Variants in CSMD1 observed in about 807,000 individuals in gnomAD.
CSMD1 encodes the protein CUB and Sushi multiple domains 1.
CSMD1 carries 213 observed loss-of-function variants against 417.5 expected under a neutral mutation model. That is an observed-to-expected ratio of 0.51 (90% CI 0.46 to 0.57). CSMD1 has a LOEUF of 0.57. Ranked by LOEUF, CSMD1 falls within the 20% of genes least tolerant of loss-of-function variation. CSMD1 has a pLI of 0.00. For synonymous variants in CSMD1, 2,862 were observed against 1,736.8 expected, an observed-to-expected ratio of 1.65 and a Z score of -16.11; for missense variants, 6,923 against 4,529.7, an observed-to-expected ratio of 1.53 and a Z score of -15.17.
intron 3 of CSMD1, among the ~76,000 whole-genome samples, chr8:4,381,361 T>C (rs1246486655): frequency 2.6e-5 from 4 of 152,078 alleles, no homozygotes; most frequent in African/African-American, 9.7e-5. Flanking sequence ...CTGGTGACCC[T>C]ATGACCCTGT....
intron 3 of CSMD1, among the ~76,000 whole-genome samples, chr8:4,109,274 G>A (rs911431354): frequency 6.6e-6 from 1 of 152,036 alleles, no homozygotes; most frequent in Non-Finnish European, 1.5e-5. Flanking sequence ...GTTGTTTGCA[G>A]AACACACAGA....
intron 7 of CSMD1, among the ~76,000 whole-genome samples, chr8:3,701,135 G>T (rs576718416): frequency 6.6e-6 from 1 of 152,160 alleles, no homozygotes; most frequent in South Asian, 2.1e-4. Context: ...GTAAGAGGGA[G>T]AGAGATGCCT....
intron 3 of CSMD1, among the ~76,000 whole-genome samples, chr8:4,253,078 G>T (rs1198347932): frequency 6.6e-6 from 1 of 152,200 alleles, no homozygotes; most frequent in Non-Finnish European, 1.5e-5. Flanking sequence ...GCTCTTAGAG[G>T]AAAAAGATTC....
chr8:2,992,699 A>G (rs1684442066), intron 54 of CSMD1, among the ~76,000 whole-genome samples: 2 of 152,016 alleles, frequency 1.3e-5, no homozygotes, highest in Admixed American at 6.6e-5. Flanking sequence ...TGCTGTGACT[A>G]TAGGCGTGAG....
In CSMD1 at chr8:3,639,334, A is replaced by G. The variant is rs556381753; in HGVS notation, c.1010-22537T>C. On this transcript the variant is annotated intron_variant, in intron 7 of 69. Transcript: ENST00000635120. ...GTGTTGTTTCATTAAGAGAATCAGG[A>G]AAGTTTGGAGTTTAAGAGGAAAAAG... 7.9e-5 allele frequency among the ~76,000 whole-genome samples: 12 copies of G among 152,296 alleles called. 1 individual carries two copies. Among genetic ancestry groups the G allele is most frequent in the African/African-American group, 2.6e-4 (11 of 41,572 alleles).
chr8:4,121,928 G>C (rs1170970671), intron 3 of CSMD1, among the ~76,000 whole-genome samples: 3 of 151,644 alleles, frequency 2.0e-5, no homozygotes, highest in African/African-American at 7.3e-5. Flanking sequence ...CACACTCCCT[G>C]ATTTTATATT....
At chr8:2,998,523 T>A (rs773910319) in intron 53 of CSMD1, among the ~76,000 whole-genome samples, 2 of 152,232 alleles carry the variant, frequency 1.3e-5, no homozygotes, top group East Asian at 3.9e-4. Context: ...TAAAAATTCT[T>A]GTATTAATCA....
chr8:4,358,301 C>A (rs1801549226), intron 3 of CSMD1, among the ~76,000 whole-genome samples: 1 of 152,086 alleles, frequency 6.6e-6, no homozygotes, highest in Non-Finnish European at 1.5e-5. Context: ...CCAGATCCAG[C>A]TGGTGCCATC....
intron 3 of CSMD1, among the ~76,000 whole-genome samples, chr8:4,165,406 T>G (rs770297614): frequency 6.6e-6 from 1 of 152,336 alleles, no homozygotes; most frequent in East Asian, 1.9e-4. Flanking sequence ...GTAGAAAATA[T>G]AAGCATCATG....
Position 4,419,591 on chromosome 8 carries a change from T to G in CSMD1, c.415+362A>C, listed in dbSNP as rs566940802. ...TTCCTTTACTCAAGCACTATCAGTATAATTGTCCAACCAAAAATTTAATGA... is the reference window on the plus strand; with the variant it reads ...TTCCTTTACTCAAGCACTATCAGTAGAATTGTCCAACCAAAAATTTAATGA... On this transcript the variant is annotated intron_variant, in intron 3 of 69. Transcript: ENST00000635120. Among the ~76,000 whole-genome samples, 11 of 152,324 alleles carry G rather than the reference T, an allele frequency of 7.2e-5. No homozygotes were observed. The South Asian group carries it at 2.3e-3, about 32-fold the overall frequency.
chr8:4,251,087 T>C (rs527342249), intron 3 of CSMD1, among the ~76,000 whole-genome samples: 87 of 152,280 alleles, frequency 5.7e-4, no homozygotes, highest in African/African-American at 1.9e-3. Flanking sequence ...TGTAGTCACA[T>C]TTTCCCTGCC....
intron 1 of CSMD1, among the ~76,000 whole-genome samples, chr8:4,733,299 T>C (rs186353878): frequency 6.6e-6 from 1 of 152,294 alleles, no homozygotes; most frequent in East Asian, 1.9e-4. Flanking sequence ...TGACTAAAAA[T>C]GTTGCCCTCA....
chr8:4,914,999 G>T lies in CSMD1; in HGVS notation c.85+79333C>A, dbSNP rs573023432. ...GTGAAATTACCAGGCAATAGCTACC[G>T]TATTTAATTCAATTCATATTAGATA... On this transcript the variant is annotated intron_variant, in intron 1 of 69. Transcript: ENST00000635120. 1.6e-4 allele frequency among the ~76,000 whole-genome samples: 24 copies of T among 152,208 alleles called. No individual in the cohort carries two copies. The East Asian group carries it at 4.6e-3, about 29-fold the overall frequency.
At chr8:3,248,777 T>C (rs1000236356) in intron 26 of CSMD1, among the ~76,000 whole-genome samples, 1 of 152,144 alleles carries the variant, frequency 6.6e-6, no homozygotes, top group Non-Finnish European at 1.5e-5. Context: ...AACGTGTCCA[T>C]AGCTAGGGAC....
chr8:4,674,196 T>G (rs891286157), intron 1 of CSMD1, among the ~76,000 whole-genome samples: 8 of 152,164 alleles, frequency 5.3e-5, no homozygotes, highest in Admixed American at 5.2e-4. Context: ...CTCAAAATTT[T>G]GGCCATACAA....
chr8:4,665,382 C>T (rs1036112947), intron 1 of CSMD1, among the ~76,000 whole-genome samples: 2 of 152,144 alleles, frequency 1.3e-5, no homozygotes, highest in African/African-American at 2.4e-5. Flanking sequence ...TTTAGGTGAA[C>T]GGGTCCATGA....
At chr8:3,208,821 G>T (rs1315774449) in intron 30 of CSMD1, among the ~76,000 whole-genome samples, 1 of 152,122 alleles carries the variant, frequency 6.6e-6, no homozygotes, top group Non-Finnish European at 1.5e-5. Context: ...CTCCTGTGCT[G>T]GATGCTTCTT....
chr8:4,788,633 A>C (rs573453608), intron 1 of CSMD1: 2 of 778,318 alleles, frequency 2.6e-6, no homozygotes, highest in African/African-American at 3.5e-5. Flanking sequence ...ACAAATTTCT[A>C]ATTTAGCTGA....
chr8:3,949,891 G>T, intron 5 of CSMD1: 1 of 455,864 alleles, frequency 2.2e-6, no homozygotes, highest in Middle Eastern at 3.3e-4. Context: ...ATTCAAGATT[G>T]TGCCTCCATG....
Sources: gnomAD v4.1 joint callset for allele counts (sites outside exome capture counted in the v4.1 genomes callset) on GRCh38, gnomAD v4.1.1 for gene constraint, MANE v1.5 for transcripts, NCBI Gene and HGNC (gene_info 2026-07-23, HGNC 2026-07-21) for gene names.